Variants in SETBP1 observed in about 807,000 individuals in gnomAD.
SETBP1 encodes SET-binding protein.
A neutral mutation model predicts 101.0 loss-of-function variants in SETBP1; 9 were observed. That is an observed-to-expected ratio of 0.09 (90% CI 0.05 to 0.16). SETBP1 has a LOEUF of 0.16. Among genes scored for constraint, SETBP1 ranks in the 10% least tolerant of loss-of-function variants. The probability of loss-of-function intolerance (pLI) is 1.00; values close to 1 mark genes in which losing one functional copy is unlikely to be tolerated. For synonymous variants in SETBP1, 818 were observed against 788.5 expected, an observed-to-expected ratio of 1.04 and a Z score of -0.63; for missense variants, 1,858 against 2,033.8, an observed-to-expected ratio of 0.91 and a Z score of 1.66.
At chr18:44,717,177 C>T (rs560397394) in intron 2 of SETBP1, among the ~76,000 whole-genome samples, 57 of 152,320 alleles carry the variant, frequency 3.7e-4, no homozygotes, top group East Asian at 3.1e-3. Flanking sequence ...GCTCCTCATG[C>T]GGTGCTCAGG....
chr18:44,980,823 G>A (rs1042387918), intron 4 of SETBP1, among the ~76,000 whole-genome samples: 1 of 152,162 alleles, frequency 6.6e-6, no homozygotes, highest in African/African-American at 2.4e-5. Flanking sequence ...ATGGTCCTAG[G>A]GAAGCAGTAG....
At chr18:44,859,828 C>G (rs551217311) in intron 2 of SETBP1, among the ~76,000 whole-genome samples, 30 of 152,282 alleles carry the variant, frequency 2.0e-4, no homozygotes, top group African/African-American at 6.3e-4. Context: ...TTATGAATAC[C>G]TGCAACTACA....
At chr18:45,010,297 C>A (rs1392102191) in intron 4 of SETBP1, among the ~76,000 whole-genome samples, 1 of 152,304 alleles carries the variant, frequency 6.6e-6, no homozygotes. Context: ...GGTAAATTCA[C>A]GCTCTAGTAG....
chr18:44,925,835 G>A (rs1599329837), intron 3 of SETBP1, among the ~76,000 whole-genome samples: 2 of 152,172 alleles, frequency 1.3e-5, no homozygotes, highest in South Asian at 4.1e-4. Context: ...TGGAGAAGCC[G>A]GGTGATCAAT....
intron 2 of SETBP1, among the ~76,000 whole-genome samples, chr18:44,846,644 A>G (rs2072730628): frequency 6.6e-6 from 1 of 152,234 alleles, no homozygotes; most frequent in African/African-American, 2.4e-5. Flanking sequence ...TGCCCTGCAC[A>G]TGGATGACCC....
At chr18:45,019,114 A>C (rs893915478) in intron 4 of SETBP1, among the ~76,000 whole-genome samples, 1 of 152,216 alleles carries the variant, frequency 6.6e-6, no homozygotes, top group Non-Finnish European at 1.5e-5. Flanking sequence ...CCTAGAACCC[A>C]GGAACTCTCT....
Position 44,952,177 on chromosome 18 carries a change from A to G in SETBP1, c.2837A>G (p.Gln946Arg). The G allele has an allele frequency of 6.2e-7, 1 of 1,614,202 alleles. No individual in the cohort carries two copies. Among genetic ancestry groups the G allele is most frequent in the Non-Finnish European group, 8.5e-7 (1 of 1,180,042 alleles). Residue 946 changes from glutamine to arginine, a missense_variant, in exon 4 of 6, where the codon CAA becomes CGA. Gln to Arg is a conservative substitution (Grantham distance 43). This residue lies in a region of SETBP1 where 255 missense variants were observed against 300.1 expected (regional missense o/e 0.85). Transcript: ENST00000649279. ...PKHKRKRKSL[Q>R]NRDDLQFLAD... Reference sequence around the variant, plus strand: ...CACAAGAGGAAACGGAAAAGCCTGCAAAACCGCGATGACCTCCAGTTTCTG... The same window carrying G: ...CACAAGAGGAAACGGAAAAGCCTGCGAAACCGCGATGACCTCCAGTTTCTG...
At chr18:44,728,675 T>G (rs9967532) in intron 2 of SETBP1, among the ~76,000 whole-genome samples, 122,193 of 152,188 alleles carry the variant, frequency 0.8, 49,231 homozygotes, top group Admixed American at 0.84. Context: ...CTCCAAATCC[T>G]ATTGGGGGCA....
intron 4 of SETBP1, among the ~76,000 whole-genome samples, chr18:45,008,839 C>T (rs2072780447): frequency 6.6e-6 from 1 of 152,154 alleles, no homozygotes; most frequent in Non-Finnish European, 1.5e-5. Flanking sequence ...GAAGCCCAGC[C>T]CTGCACTCTC....
At chr18:44,878,484 G>A (rs768100326) in intron 3 of SETBP1, among the ~76,000 whole-genome samples, 2 of 152,218 alleles carry the variant, frequency 1.3e-5, no homozygotes, top group South Asian at 4.1e-4. Context: ...TTTAGTTACA[G>A]CATCATATTT....
At chr18:44,856,193 T>A (rs1175780013) in intron 2 of SETBP1, among the ~76,000 whole-genome samples, 1 of 151,976 alleles carries the variant, frequency 6.6e-6, no homozygotes, top group Admixed American at 6.6e-5. Context: ...ATATTTCAAA[T>A]GCATAAAGGT....
At chr18:45,035,316 C>A (rs980994036) in intron 4 of SETBP1, among the ~76,000 whole-genome samples, 2 of 152,138 alleles carry the variant, frequency 1.3e-5, no homozygotes, top group African/African-American at 2.4e-5. Flanking sequence ...TTTTTGAAAT[C>A]ATTGGGTGGT....
At chr18:44,751,662 T>C (rs894688937) in intron 2 of SETBP1, among the ~76,000 whole-genome samples, 2 of 152,250 alleles carry the variant, frequency 1.3e-5, no homozygotes, top group Non-Finnish European at 2.9e-5. Flanking sequence ...CTATGCTTTT[T>C]CGTATTTCTC....
At chr18:44,947,258 GA>G (rs933761560) in intron 3 of SETBP1, among the ~76,000 whole-genome samples, 1 of 151,842 alleles carries the variant, frequency 6.6e-6, no homozygotes, top group Non-Finnish European at 1.5e-5. Flanking sequence ...GCCAGAACAC[GA>G]AAAAAACATT....
chr18:44,933,751 G>C (rs111531221), intron 3 of SETBP1, among the ~76,000 whole-genome samples: 1 of 152,148 alleles, frequency 6.6e-6, no homozygotes, highest in Non-Finnish European at 1.5e-5. Context: ...CTCCGAGCCA[G>C]GCACGGGATA....
chr18:44,753,927 T>C (rs777202351), intron 2 of SETBP1, among the ~76,000 whole-genome samples: 1 of 152,074 alleles, frequency 6.6e-6, no homozygotes, highest in Non-Finnish European at 1.5e-5. Flanking sequence ...CTGGTTAGAG[T>C]TGGCTGTTCG....
At chr18:44,970,015 T>A (rs1230993015) in intron 4 of SETBP1, 1 of 154,796 alleles carries the variant, frequency 6.5e-6, no homozygotes, top group Non-Finnish European at 1.5e-5. Context: ...TCTCCTTATC[T>A]GGTTATTTTG....
At chr18:44,913,550 A>G (rs959546730) in intron 3 of SETBP1, among the ~76,000 whole-genome samples, 4 of 152,218 alleles carry the variant, frequency 2.6e-5, no homozygotes, top group African/African-American at 9.6e-5. Flanking sequence ...CAACTTGAAC[A>G]TGTAGGGCAC....
At chr18:44,985,851 G>C (rs1371059976) in intron 4 of SETBP1, among the ~76,000 whole-genome samples, 1 of 152,116 alleles carries the variant, frequency 6.6e-6, no homozygotes, top group Non-Finnish European at 1.5e-5. Context: ...AGATCCTGCA[G>C]GGGAAGCTAA....
Sources: gnomAD v4.1 joint callset for allele counts (sites outside exome capture counted in the v4.1 genomes callset) on GRCh38, gnomAD v4.1.1 for gene constraint, gnomAD v4.1.1 regional missense constraint, MANE v1.5 for transcripts, NCBI Gene and HGNC (gene_info 2026-07-23, HGNC 2026-07-21) for gene names.